AKAP19: variants seen among roughly 807,000 people sequenced by gnomAD.
AKAP19 encodes small A-kinase anchoring protein.
chr2:190,039,870 A>G, the AKAP19 span, among the ~76,000 whole-genome samples: 4,030 of 152,258 alleles, frequency 0.026, 177 homozygotes, highest in East Asian at 0.18. Flanking sequence ...TTTTATGGTC[A>G]CATAGTATTC....
At chr2:190,133,789 G>A in the AKAP19 span, among the ~76,000 whole-genome samples, 1 of 152,192 alleles carries the variant, frequency 6.6e-6, no homozygotes, top group Non-Finnish European at 1.5e-5. Context: ...TAGGAGAGTT[G>A]AACTCATAGA....
chr2:190,127,987 A>C, the AKAP19 span, among the ~76,000 whole-genome samples: 1 of 152,350 alleles, frequency 6.6e-6, no homozygotes, highest in South Asian at 2.1e-4. Flanking sequence ...AAATAAGTTT[A>C]TACAAAATAA....
the AKAP19 span, among the ~76,000 whole-genome samples, chr2:189,975,591 C>T: frequency 6.6e-6 from 1 of 152,188 alleles, no homozygotes; most frequent in East Asian, 1.9e-4. Context: ...AACTTGGTTC[C>T]ATCCTCCCCA....
At chr2:190,096,331 T>C in the AKAP19 span, among the ~76,000 whole-genome samples, 2 of 152,180 alleles carry the variant, frequency 1.3e-5, no homozygotes, top group Admixed American at 1.3e-4. Context: ...GTAAAAGAAA[T>C]GATTATTATG....
the AKAP19 span, among the ~76,000 whole-genome samples, chr2:190,111,395 C>T: frequency 1.3e-5 from 2 of 152,000 alleles, no homozygotes; most frequent in Admixed American, 6.6e-5. Context: ...GAAGACTGAG[C>T]CTTAGAGTGC....
At chr2:190,200,187 G>A in the AKAP19 span, 1 of 1,568,646 alleles carries the variant, frequency 6.4e-7, no homozygotes, top group South Asian at 1.1e-5. Context: ...GGAGGTGCTA[G>A]TTTGAATAAA....
the AKAP19 span, among the ~76,000 whole-genome samples, chr2:190,138,686 A>T: frequency 2.6e-5 from 4 of 152,288 alleles, no homozygotes; most frequent in South Asian, 6.2e-4. Context: ...ATCTTTTAAA[A>T]TTGAAACCCC....
At chr2:190,200,159 T>C in the AKAP19 span, 1 of 1,610,226 alleles carries the variant, frequency 6.2e-7, no homozygotes, top group East Asian at 2.2e-5. Context: ...GGCTGTAGGA[T>C]GACAACACTT....
the AKAP19 span, among the ~76,000 whole-genome samples, chr2:190,168,379 G>A: frequency 0.47 from 71,896 of 151,520 alleles, 17,247 homozygotes; most frequent in Middle Eastern, 0.6. Flanking sequence ...TGCTGTGAGG[G>A]CCTCTGACAT....
chr2:190,133,199 C>A, the AKAP19 span, among the ~76,000 whole-genome samples: 4 of 133,354 alleles, frequency 3.0e-5, no homozygotes, highest in Non-Finnish European at 6.1e-5. Flanking sequence ...GATCACGCCA[C>A]TGCACTCCAG....
At chr2:189,923,557 G>T in the AKAP19 span, 10 of 1,613,880 alleles carry the variant, frequency 6.2e-6, no homozygotes, top group Non-Finnish European at 1.7e-6. Flanking sequence ...ATGGCAGAAT[G>T]ATTGCTGGCC....
At chr2:189,910,552 G>GAA in the AKAP19 span, among the ~76,000 whole-genome samples, 2 of 146,918 alleles carry the variant, frequency 1.4e-5, no homozygotes, top group African/African-American at 5.0e-5. Context: ...TTCAAAGATA[G>GAA]AAAAAAAAAA....
chr2:190,091,498 T>C, the AKAP19 span, among the ~76,000 whole-genome samples: 1 of 150,420 alleles, frequency 6.6e-6, no homozygotes, highest in Non-Finnish European at 1.5e-5. Context: ...TTTCTTAAAG[T>C]AGAAGAGAAC....
chr2:190,009,349 C>T, the AKAP19 span, among the ~76,000 whole-genome samples: 1 of 152,102 alleles, frequency 6.6e-6, no homozygotes, highest in Admixed American at 6.5e-5. Flanking sequence ...CGTGGTGGCT[C>T]ATACTGAAGC....
chr2:190,176,433 C>A, the AKAP19 span, among the ~76,000 whole-genome samples: 2 of 151,462 alleles, frequency 1.3e-5, no homozygotes, highest in Non-Finnish European at 3.0e-5. The surrounding 1 kb of genome is among the most constrained non-coding windows in gnomAD (Gnocchi z 4.7). Flanking sequence ...CTGCAACCTC[C>A]ACCTCCCAGG....
the AKAP19 span, among the ~76,000 whole-genome samples, chr2:190,165,425 A>C: frequency 5.3e-4 from 81 of 152,316 alleles, no homozygotes; most frequent in African/African-American, 1.9e-3. Context: ...CAACAGAACG[A>C]GACTCCATCT....
the AKAP19 span, among the ~76,000 whole-genome samples, chr2:189,940,427 CG>C: frequency 2.9e-4 from 44 of 149,950 alleles, no homozygotes; most frequent in African/African-American, 1.0e-3. Context: ...GCCTGGGCAA[CG>C]GGGGGGAAAA....
the AKAP19 span, among the ~76,000 whole-genome samples, chr2:190,075,641 A>C: frequency 6.6e-6 from 1 of 152,158 alleles, no homozygotes. Context: ...GTCTGACATT[A>C]ATATAGCCAC....
chr2:189,964,345 A>G, the AKAP19 span, among the ~76,000 whole-genome samples: 1 of 152,230 alleles, frequency 6.6e-6, no homozygotes, highest in Non-Finnish European at 1.5e-5. Flanking sequence ...TATAGAGCAC[A>G]GGGTAGATTT....
Sources: allele counts gnomAD v4.1 joint callset (sites outside exome capture counted in the v4.1 genomes callset), GRCh38; gene constraint gnomAD v4.1.1; non-coding constraint Gnocchi (gnomAD v3.1); transcripts MANE v1.5; gene names NCBI Gene and HGNC (gene_info 2026-07-23, HGNC 2026-07-21).